The following CRELD2 variants were observed in gnomAD, a reference collection of about 807,000 sequenced individuals.
The protein encoded by CRELD2 is CRELD disulfide isomerase 2.
CRELD2 carries 33 observed loss-of-function variants against 48.1 expected under a neutral mutation model. The observed-to-expected ratio is 0.69, with a 90% CI of 0.52 to 0.92. The LOEUF (loss-of-function observed/expected upper bound fraction) is 0.92. CRELD2 is among the 40% of genes least tolerant of loss of function. The probability of loss-of-function intolerance (pLI) is 0.00; values close to 1 mark genes in which losing one functional copy is unlikely to be tolerated. For missense variants in CRELD2, 477 were observed against 482.4 expected, an observed-to-expected ratio of 0.99 and a Z score of 0.10; for synonymous variants, 220 against 203.9, an observed-to-expected ratio of 1.08 and a Z score of -0.67.
chr22:49,925,596 C>T (rs1384934396), intron 9 of CRELD2, 39 bp downstream of exon 9: 15 of 1,610,302 alleles, frequency 9.3e-6, no homozygotes, highest in Non-Finnish European at 1.3e-5. Context: ...GCTGCCCTCC[C>T]CTGGGCCGCA....
chr22:49,924,421 C>T lies in CRELD2; in HGVS notation c.834C>T (p.Ile278=). 1 of 1,612,046 alleles carries T rather than the reference C, an allele frequency of 6.2e-7. No individual in the cohort carries two copies. Among genetic ancestry groups the T allele is most frequent in the South Asian group, 1.1e-5 (1 of 90,646 alleles). Residue 278 remains isoleucine (I), a synonymous_variant, in exon 8 of 10, where the codon ATC becomes ATT. Transcript: ENST00000328268. ...GEGPGNCKEC[I]SGYAREHGQC... ...GCCCAGGAAACTGTAAAGAGTGTATCTCTGGCTACGCGAGGGAGCACGGAC... is the reference window on the plus strand; with the variant it reads ...GCCCAGGAAACTGTAAAGAGTGTATTTCTGGCTACGCGAGGGAGCACGGAC...
rs371917550 is a variant in CRELD2 at position 49,927,314 on chromosome 22, G to C, written c.*7G>C. 1 of 1,609,580 alleles carries C rather than the reference G, an allele frequency of 6.2e-7. No homozygotes were observed. Among genetic ancestry groups the C allele is most frequent in the East Asian group, 2.2e-5 (1 of 44,862 alleles). ...CTCCCGCGAAGACCTGTAATGTGCC[G>C]GACTTACCCTTTAAATTATTCAGAA... On this transcript the variant is annotated 3_prime_UTR_variant, in exon 10 of 10. Coordinates refer to ENST00000328268, the MANE Select transcript of CRELD2 (RefSeq NM_024324.5).
intron 9 of CRELD2, chr22:49,925,786 C>G: frequency 7.4e-7 from 1 of 1,354,486 alleles, no homozygotes; most frequent in East Asian, 2.8e-5. Context: ...GAAGTTCAGG[C>G]GATGAAGGGG....
intron 6 of CRELD2, among the ~76,000 whole-genome samples, 175 bp downstream of exon 6, chr22:49,922,882 GT>G (rs2060713133): frequency 2.8e-5 from 3 of 107,786 alleles, no homozygotes; most frequent in Admixed American, 8.7e-5. Context: ...GGGGCGTGAG[GT>G]GTGGGGGAGC....
At chr22:49,920,387 TC>T (rs2060672592) in intron 4 of CRELD2, 140 bp downstream of exon 4, 5 of 607,554 alleles carry the variant, frequency 8.2e-6, no homozygotes, top group Non-Finnish European at 1.5e-5. Flanking sequence ...GATGGCTGCC[TC>T]CCCCATCCCC....
intron 3 of CRELD2, 130 bp from the exon 4 acceptor site, chr22:49,920,025 AT>A: frequency 1.3e-6 from 1 of 772,372 alleles, no homozygotes; most frequent in East Asian, 2.7e-5. Flanking sequence ...TAAGGAGAAG[AT>A]TCTGTCCACA....
chr22:49,923,338 T>TGCACTCCGGGGCCC, intron 7 of CRELD2, 21 bp downstream of exon 7: 1 of 1,603,632 alleles, frequency 6.2e-7, no homozygotes. Flanking sequence ...CGGGCGGGTC[T>TGCACTCCGGGGCCC]GCACTCCGGG....
chr22:49,918,922 G>A, intron 1 of CRELD2, 24 bp downstream of exon 1: 2 of 1,327,858 alleles, frequency 1.5e-6, no homozygotes, highest in South Asian at 2.0e-5. Flanking sequence ...GGGCGGGGTC[G>A]TCAACCTTGG....
In CRELD2 at chr22:49,921,634, C is replaced by A; in HGVS notation, c.465C>A (p.Ser155Arg). 6.2e-7 allele frequency: 1 copy of A among 1,612,830 alleles called. No individual in the cohort carries two copies. The highest frequency in any genetic ancestry group is 2.2e-5 in the East Asian group (1 of 44,886). ...CCTGCAGCGGGAATGGCCACTGCAG[C>A]GGAGATGGGAGCAGACAGGGCGACG... ...QRPCSGNGHC[S>R]GDGSRQGDGS... is the part of the protein sequence containing the mutation. Residue 155 changes from serine to arginine, a missense_variant, in exon 5 of 10, where the codon AGC (serine) becomes AGA (arginine). Coordinates refer to ENST00000328268, the MANE Select transcript of CRELD2 (RefSeq NM_024324.5).
rs372731649 is a variant in CRELD2, at chr22:49,923,328, C to T, written c.772+11C>T. ...CCTACACGTGCGAAGGTGGGCCAGG[C>T]GGGCGGGTCTGCACTCCGGGGCCTG... On this transcript the variant is annotated intron_variant, in intron 7 of 9. Coordinates refer to ENST00000328268, the MANE Select transcript of CRELD2 (RefSeq NM_024324.5). 520 of 1,610,710 alleles carry T rather than the reference C, an allele frequency of 3.2e-4. No individual in the cohort carries two copies. The highest frequency in any genetic ancestry group is 1.5e-3 in the Middle Eastern group (9 of 6,058).
Position 49,923,335 on chromosome 22 carries a change from G to GCC in CRELD2, c.772+18_772+19insCC. The GCC allele has an allele frequency of 6.2e-7, 1 of 1,608,240 alleles. No individual in the cohort carries two copies. Among genetic ancestry groups the GCC allele is most frequent in the Non-Finnish European group, 8.5e-7 (1 of 1,176,206 alleles). The stretch of plus-strand genomic sequence containing the variant: ...GTGCGAAGGTGGGCCAGGCGGGCGG[G>GCC]TCTGCACTCCGGGGCCTGCCGGGTT... On this transcript the variant is annotated intron_variant, in intron 7 of 9. Coordinates refer to ENST00000328268, the MANE Select transcript of CRELD2 (RefSeq NM_024324.5).
intron 4 of CRELD2, chr22:49,921,180 G>A: frequency 5.4e-6 from 1 of 185,664 alleles, no homozygotes; most frequent in South Asian, 1.1e-4. Context: ...CCTGAGTACT[G>A]TGGGCCATTT....
intron 5 of CRELD2, chr22:49,922,182 G>A (rs1387101720): frequency 8.4e-7 from 1 of 1,193,468 alleles, no homozygotes; most frequent in Non-Finnish European, 1.1e-6. Flanking sequence ...GGAAAACTCT[G>A]AGTGTCTCGG....
chr22:49,925,430 C>T lies in CRELD2; in HGVS notation c.882C>T (p.Cys294=), dbSNP rs149127584. 13,318 of 1,608,674 alleles carry T rather than the reference C, an allele frequency of 8.3e-3. 67 individuals carry two copies. The highest frequency in any genetic ancestry group is 0.01 in the Non-Finnish European group (12,149 of 1,175,728). The stretch of plus-strand genomic sequence containing the variant: ...TTTTCATTTTAGATGTGGACGAGTG[C>T]TCACTAGCAGAAAAAACCTGTGTGA... The part of the protein sequence containing the change: ...EHGQCADVDE[C]SLAEKTCVRK... Residue 294 remains cysteine (C), a synonymous_variant, in exon 9 of 10, where the codon TGC becomes TGT. Coordinates refer to ENST00000328268, the MANE Select transcript of CRELD2 (RefSeq NM_024324.5).
chr22:49,921,994 C>G (rs2060693066), intron 5 of CRELD2: 3 of 605,934 alleles, frequency 5.0e-6, no homozygotes, highest in Non-Finnish European at 8.6e-6. Context: ...TCACCTTTCT[C>G]TCTAGTTCAA....
intron 8 of CRELD2, chr22:49,925,076 A>T (rs1418415836): frequency 1.1e-5 from 2 of 180,058 alleles, no homozygotes; most frequent in Non-Finnish European, 2.3e-5. Flanking sequence ...GCTTGCAGTG[A>T]GAGGAGATCG....
rs1334146018 is a variant in CRELD2 at position 49,925,467 on chromosome 22, A to G, written c.919A>G (p.Asn307Asp). Residue 307 changes from asparagine to aspartate, a missense_variant, in exon 9 of 10, where the codon AAC (asparagine) becomes GAC (aspartate). Physicochemically the swap from Asn to Asp is conservative, Grantham distance 23. Coordinates refer to ENST00000328268, the MANE Select transcript of CRELD2 (RefSeq NM_024324.5). Reference sequence around the variant, plus strand: ...AAAAACCTGTGTGAGGAAAAACGAAAACTGCTACAATACTCCAGGGAGCTA... The same window carrying G: ...AAAAACCTGTGTGAGGAAAAACGAAGACTGCTACAATACTCCAGGGAGCTA... ...AEKTCVRKNE[N>D]CYNTPGSYVC... is the part of the protein sequence containing the mutation. 2 of 1,613,802 alleles carry G rather than the reference A, an allele frequency of 1.2e-6. No individual in the cohort carries two copies. Among genetic ancestry groups the G allele is most frequent in the Non-Finnish European group, 1.7e-6 (2 of 1,179,886 alleles).
chr22:49,926,594 T>C (rs1348926577), intron 9 of CRELD2: 6 of 142,294 alleles, frequency 4.2e-5, no homozygotes, highest in African/African-American at 1.6e-4. Context: ...GGGCTGGCCC[T>C]GCCTCTTGCC....
Position 49,922,642 on chromosome 22 carries a change from G to T in CRELD2, c.623G>T (p.Gly208Val). The change falls in exon 6 of 10, where the codon GGC becomes GTC. Residue 208 changes from glycine (G) to valine (V), a missense_variant. Coordinates refer to ENST00000328268, the MANE Select transcript of CRELD2 (RefSeq NM_024324.5). The stretch of plus-strand genomic sequence containing the variant: ...GACGAGTCCTGCAAGACGTGCTCGG[G>T]CCTGACCAACAGAGACTGCGGCGAG... ...ACDESCKTCS[G>V]LTNRDCGECE... is the part of the protein sequence containing the mutation. The T allele has an allele frequency of 6.4e-7, 1 of 1,570,682 alleles. No individual in the cohort carries two copies. The highest frequency in any genetic ancestry group is 8.6e-7 in the Non-Finnish European group (1 of 1,157,904).
Sources: allele counts gnomAD v4.1 joint callset (sites outside exome capture counted in the v4.1 genomes callset), GRCh38; gene constraint gnomAD v4.1.1; transcripts MANE v1.5; gene names NCBI Gene and HGNC (gene_info 2026-07-23, HGNC 2026-07-21).